The following GXYLT1 variants were observed in gnomAD, a reference collection of about 807,000 sequenced individuals.
GXYLT1 encodes the protein glucoside xylosyltransferase 1.
In GXYLT1, 29 loss-of-function variants were observed where a neutral mutation model predicts 54.0. That is an observed-to-expected ratio of 0.54 (90% confidence interval 0.40 to 0.73). The LOEUF (loss-of-function observed/expected upper bound fraction) is 0.73. Among genes scored for constraint, GXYLT1 ranks in the 30% least tolerant of loss-of-function variants. The probability of loss-of-function intolerance (pLI) is 0.00; values close to 1 mark genes in which losing one functional copy is unlikely to be tolerated. For missense variants in GXYLT1, 490 were observed against 553.4 expected (o/e 0.89, Z 1.15); for synonymous variants, 176 against 204.1 (o/e 0.86, Z 1.17).
Position 42,097,595 on chromosome 12 carries a change from C to G in GXYLT1, c.1008G>C (p.Pro336=). The G allele has an allele frequency of 6.2e-7, 1 of 1,601,358 alleles. No individual in the cohort carries two copies. The highest frequency in any genetic ancestry group is 8.5e-7 in the Non-Finnish European group (1 of 1,176,786). The change falls in exon 7 of 8, where the codon CCG becomes CCC. Residue 336 remains proline (P), a synonymous_variant. Coordinates refer to ENST00000398675, the MANE Select transcript of GXYLT1 (RefSeq NM_173601.2). ...GATCTGGTCGATAATTCCATTGACA[C>G]GGAAAAACAAAAAGGCTTTCTACAT... ...FHNPESLFVF[P]CQWNYRPDHC...
At chr12:42,091,734 T>C (rs981518234) in intron 7 of GXYLT1, among the ~76,000 whole-genome samples, 1 of 152,236 alleles carries the variant, frequency 6.6e-6, no homozygotes, top group African/African-American at 2.4e-5. Context: ...ACTAGAACTG[T>C]AGCCTACAAT....
chr12:42,144,775 G>T lies in GXYLT1; in HGVS notation c.-129C>A. On this transcript the variant is annotated 5_prime_UTR_variant, in exon 1 of 8. Coordinates refer to ENST00000398675, the MANE Select transcript of GXYLT1 (RefSeq NM_173601.2). ...CCCGCAGCCGCCGCCGCCGCCTTGC[G>T]CCCGCTCCCTTCCTTCCCTCCCCGC... 1.7e-6 allele frequency: 1 copy of T among 605,748 alleles called. No homozygotes were observed. Among genetic ancestry groups the T allele is most frequent in the Non-Finnish European group, 2.4e-6 (1 of 410,044 alleles). The allele number at this position is 605,748 out of a possible 1,614,324, so 37.5% of individuals were successfully genotyped here.
At chr12:42,141,773 A>C (rs2065653580) in intron 1 of GXYLT1, among the ~76,000 whole-genome samples, 1 of 152,226 alleles carries the variant, frequency 6.6e-6, no homozygotes, top group Middle Eastern at 3.2e-3. Flanking sequence ...TCTCACAGCA[A>C]CCAGAGCCAG....
intron 3 of GXYLT1, among the ~76,000 whole-genome samples, chr12:42,115,476 T>C (rs903120564): frequency 5.9e-5 from 9 of 152,200 alleles, no homozygotes; most frequent in African/African-American, 1.9e-4. Flanking sequence ...AGCATTCTTA[T>C]ACAGCAATAA....
At chr12:42,124,510 A>G (rs1281817460) in intron 2 of GXYLT1, among the ~76,000 whole-genome samples, 1 of 152,132 alleles carries the variant, frequency 6.6e-6, no homozygotes, top group Admixed American at 6.5e-5. Flanking sequence ...TATACAGAAC[A>G]AAAGAAAAAA....
intron 2 of GXYLT1, among the ~76,000 whole-genome samples, chr12:42,120,447 G>GT (rs2065524003): frequency 6.6e-6 from 1 of 152,152 alleles, no homozygotes; most frequent in Non-Finnish European, 1.5e-5. Context: ...ATACCAACAG[G>GT]CTTAAGTAAC....
chr12:42,094,039 T>C lies in GXYLT1; in HGVS notation c.1161+3403A>G, dbSNP rs1229772200. Among the ~76,000 whole-genome samples the C allele has an allele frequency of 2.6e-5, 4 of 151,500 alleles. No individual in the cohort carries two copies. The South Asian group carries it at 8.3e-4, about 32-fold the overall frequency. On this transcript the variant is annotated intron_variant, in intron 7 of 7. Coordinates refer to ENST00000398675, the MANE Select transcript of GXYLT1 (RefSeq NM_173601.2). ...AACCCAAGTGTAGACTGGAAAAAGC[T>C]TGCTGATTACAACTTTAAAAAAAAA...
In GXYLT1 at chr12:42,144,750, C is replaced by T. The variant is rs1312386117; in HGVS notation, c.-104G>A. 2.5e-6 allele frequency: 2 copies of T among 801,950 alleles called. No individual in the cohort carries two copies. Among genetic ancestry groups the T allele is most frequent in the African/African-American group, 1.8e-5 (1 of 54,780 alleles). 49.7% of individuals were successfully genotyped at this position (801,950 alleles called of 1,614,324 possible). On this transcript the variant is annotated 5_prime_UTR_variant, in exon 1 of 8. It adds an upstream start codon to the 5' untranslated region. Transcript: ENST00000398675. ...AGCCGCGGGCGCAACAAGTTCCTCACCCGCAGCCGCCGCCGCCGCCTTGCG... is the reference window on the plus strand; with the variant it reads ...AGCCGCGGGCGCAACAAGTTCCTCATCCGCAGCCGCCGCCGCCGCCTTGCG...
At chr12:42,126,073 CTT>C (rs35070036) in intron 2 of GXYLT1, among the ~76,000 whole-genome samples, 32 of 135,170 alleles carry the variant, frequency 2.4e-4, no homozygotes, top group Non-Finnish European at 2.2e-4. Context: ...CCAGTAGGAA[CTT>C]TTTTTTTTTT....
In GXYLT1 at chr12:42,089,579, C is replaced by G. The variant is rs56063846; in HGVS notation, c.1162-1632G>C. Among the ~76,000 whole-genome samples the G allele has an allele frequency of 4.2e-3, 644 of 152,074 alleles. 5 individuals carry two copies. Among genetic ancestry groups the G allele is most frequent in the African/African-American group, 0.015 (603 of 41,476 alleles). ...CCATCTGACAATGAAACAACGAAGG[C>G]AAGGAGAGAGGATTTTCTCAGTTAT... On this transcript the variant is annotated intron_variant, in intron 7 of 7. Coordinates refer to ENST00000398675, the MANE Select transcript of GXYLT1 (RefSeq NM_173601.2).
intron 7 of GXYLT1, among the ~76,000 whole-genome samples, chr12:42,092,028 A>G (rs1231342430): frequency 6.6e-6 from 1 of 152,116 alleles, no homozygotes; most frequent in African/African-American, 2.4e-5. Context: ...TTCAGGGCCC[A>G]CTTCAAAAGC....
chr12:42,122,841 C>T (rs1010799755), intron 2 of GXYLT1, among the ~76,000 whole-genome samples: 1 of 152,112 alleles, frequency 6.6e-6, no homozygotes, highest in Non-Finnish European at 1.5e-5. Flanking sequence ...AGCACTGTTA[C>T]AGTGTAGAAA....
In GXYLT1 at chr12:42,084,093, A is replaced by G. The variant is rs886110831; in HGVS notation, c.*3693T>C. ...ACAGCAGGCCCTGCTGCCCCATTCC[A>G]TGGAAGTCAGCACCTTTCCTGACCC... On this transcript the variant is annotated 3_prime_UTR_variant, in exon 8 of 8. Transcript: ENST00000398675. 6.6e-6 allele frequency: 1 copy of G among 152,174 alleles called. No homozygotes were observed. The highest frequency in any genetic ancestry group is 1.5e-5 in the Non-Finnish European group (1 of 68,056). 9.4% of individuals were successfully genotyped at this position (152,174 alleles called of 1,614,324 possible). A position where few individuals can be genotyped will look rare whatever the true frequency, so the allele number is the denominator to read the frequency against.
chr12:42,118,967 C>T lies in GXYLT1; in HGVS notation c.486+33G>A. On this transcript the variant is annotated intron_variant, in intron 3 of 7. Transcript: ENST00000398675. ...TTATAGTATATTATTAAATATTCAA[C>T]TCTACAACCTTGACTATGTCTCAAA... The T allele has an allele frequency of 2.1e-6, 3 of 1,463,094 alleles. No individual in the cohort carries two copies. The South Asian group carries it at 3.8e-5, about 18-fold the overall frequency. The allele number at this position is 1,463,094 out of a possible 1,614,324, so 90.6% of individuals were successfully genotyped here.
At chr12:42,115,636 C>T (rs1221856047) in intron 3 of GXYLT1, among the ~76,000 whole-genome samples, 1 of 151,880 alleles carries the variant, frequency 6.6e-6, no homozygotes, top group East Asian at 1.9e-4. Flanking sequence ...AAAGAGGATA[C>T]AAACAAATGG....
chr12:42,118,995 C>T lies in GXYLT1; in HGVS notation c.486+5G>A, dbSNP rs1162413772. ...TACAACCTTGACTATGTCTCAAATA[C>T]TTACTCTGCCTTTAAAGCTATGATG... is the stretch of plus-strand genomic sequence containing the variant. On this transcript the variant is annotated splice_donor_5th_base_variant and intron_variant, in intron 3 of 7. Coordinates refer to ENST00000398675, the MANE Select transcript of GXYLT1 (RefSeq NM_173601.2). 3.0e-6 allele frequency: 4 copies of T among 1,317,182 alleles called. No homozygotes were observed. The highest frequency in any genetic ancestry group is 3.9e-6 in the Non-Finnish European group (4 of 1,013,130). 81.6% of individuals were successfully genotyped at this position (1,317,182 alleles called of 1,614,324 possible).
At chr12:42,135,863 C>T (rs1409580865) in intron 1 of GXYLT1, among the ~76,000 whole-genome samples, 4 of 152,070 alleles carry the variant, frequency 2.6e-5, no homozygotes, top group African/African-American at 9.7e-5. Flanking sequence ...ATTTACTTCA[C>T]AAAGGTTTAA....
Position 42,082,814 on chromosome 12 carries a change from T to C in GXYLT1, c.*4972A>G, listed in dbSNP as rs1440886427. 1 of 152,150 alleles carries C rather than the reference T, an allele frequency of 6.6e-6. No homozygotes were observed. The highest frequency in any genetic ancestry group is 2.4e-5 in the African/African-American group (1 of 41,430). The allele number at this position is 152,150 out of a possible 1,614,324, so 9.4% of individuals were successfully genotyped here. Reference sequence around the variant, plus strand: ...TTTAATAGAATATACACTGTTGAATTCTATCTTCATGATTTTTTACAAGAG... The same window carrying C: ...TTTAATAGAATATACACTGTTGAATCCTATCTTCATGATTTTTTACAAGAG... On this transcript the variant is annotated 3_prime_UTR_variant, in exon 8 of 8. Transcript: ENST00000398675.
intron 3 of GXYLT1, among the ~76,000 whole-genome samples, chr12:42,112,215 G>A (rs182978776): frequency 6.6e-6 from 1 of 152,106 alleles, no homozygotes; most frequent in Admixed American, 6.6e-5. Context: ...CAGAAAAACT[G>A]GAAACTCTAA....
Sources: allele counts gnomAD v4.1 joint callset (sites outside exome capture counted in the v4.1 genomes callset), GRCh38; gene constraint gnomAD v4.1.1; transcripts MANE v1.5; gene names NCBI Gene and HGNC (gene_info 2026-07-23, HGNC 2026-07-21).